The following ANKAR variants were observed in gnomAD, a reference collection of about 807,000 sequenced individuals.
ANKAR encodes the protein ankyrin and armadillo repeat-containing protein.
ANKAR carries 136 observed loss-of-function variants against 146.2 expected under a neutral mutation model. The observed-to-expected ratio is 0.93, with a 90% CI of 0.81 to 1.07. The LOEUF is 1.07. ANKAR is among the 50% of genes least tolerant of loss of function. ANKAR has a pLI of 0.00. For missense variants in ANKAR, 1,567 were observed against 1,679.9 expected, an observed-to-expected ratio of 0.93 and a Z score of 1.18; for synonymous variants, 500 against 575.8, an observed-to-expected ratio of 0.87 and a Z score of 1.88.
chr2:189,679,789 A>C (rs1256910776), intron 2 of ANKAR, among the ~76,000 whole-genome samples: 1 of 152,120 alleles, frequency 6.6e-6, no homozygotes, highest in Non-Finnish European at 1.5e-5. Flanking sequence ...CCATCCCTTC[A>C]TCCCTGGCAC....
chr2:189,688,590 G>A (rs889503119), intron 2 of ANKAR, among the ~76,000 whole-genome samples: 4 of 152,158 alleles, frequency 2.6e-5, no homozygotes, highest in East Asian at 1.9e-4. Context: ...CAGGCATTTC[G>A]AGGAAGAGAG....
In ANKAR at chr2:189,724,930, GAA is replaced by G. The variant is rs1220121060; in HGVS notation, c.2636-2921_2636-2920del. On this transcript the variant is annotated intron_variant, in intron 12 of 22. Transcript: ENST00000684021. ...TGTATAACTAGATTTAAAAAGAAAA[GAA>G]AAAATGAATACAAATAATTTTAAAC... Among the ~76,000 whole-genome samples, 8 of 152,116 alleles carry G rather than the reference GAA, an allele frequency of 5.3e-5. No individual in the cohort carries two copies. In the East Asian group the frequency reaches 1.4e-3, roughly 26 times the overall value.
chr2:189,742,003 T>G (rs1187846658), intron 20 of ANKAR, among the ~76,000 whole-genome samples: 1 of 152,190 alleles, frequency 6.6e-6, no homozygotes, highest in East Asian at 1.9e-4. Context: ...TAGGATAGCT[T>G]TCCTTATGTG....
At chr2:189,681,469 G>A (rs1216367889) in intron 2 of ANKAR, among the ~76,000 whole-genome samples, 1 of 152,186 alleles carries the variant, frequency 6.6e-6, no homozygotes, top group African/African-American at 2.4e-5. Flanking sequence ...CCTTGCAATG[G>A]TGCACCTGGT....
chr2:189,704,434 T>C (rs2038547829), intron 7 of ANKAR, among the ~76,000 whole-genome samples: 1 of 150,728 alleles, frequency 6.6e-6, no homozygotes, highest in Non-Finnish European at 1.5e-5. Flanking sequence ...CATGAGCCAC[T>C]GCGCCCAGCC....
Position 189,706,974 on chromosome 2 carries a change from A to G in ANKAR, c.1947A>G (p.Ser649=), listed in dbSNP as rs780314972. ...QCTPLLLAAT[S]GALDTIQYLF... Reference sequence around the variant, plus strand: ...CTCCACTGTTACTTGCTGCCACTTCAGGAGCACTGGACACTATTCAATACC... The same window carrying G: ...CTCCACTGTTACTTGCTGCCACTTCGGGAGCACTGGACACTATTCAATACC... Residue 649 remains serine (S), a synonymous_variant, in exon 9 of 23, where the codon TCA becomes TCG. Transcript: ENST00000684021. 3.7e-6 allele frequency: 6 copies of G among 1,613,226 alleles called. No homozygotes were observed. The highest frequency in any genetic ancestry group is 5.1e-6 in the Non-Finnish European group (6 of 1,179,686).
At chr2:189,700,694 C>T (rs1377783644) in intron 7 of ANKAR, among the ~76,000 whole-genome samples, 1 of 152,204 alleles carries the variant, frequency 6.6e-6, no homozygotes, top group Non-Finnish European at 1.5e-5. Context: ...CTACCCTTCC[C>T]AGCCTCTGGT....
Position 189,730,446 on chromosome 2 carries a change from A to G in ANKAR, c.3194-49A>G, listed in dbSNP as rs779928308. The G allele has an allele frequency of 1.8e-5, 22 of 1,213,018 alleles. No homozygotes were observed. The South Asian group carries it at 2.9e-4, about 16-fold the overall frequency. 75.1% of individuals were successfully genotyped at this position (1,213,018 alleles called of 1,614,324 possible). A position where few individuals can be genotyped will look rare whatever the true frequency, so the allele number is the denominator to read the frequency against. On this transcript the variant is annotated intron_variant, in intron 15 of 22. Transcript: ENST00000684021. ...ATATCAAGCTATGTTTGACTTTACC[A>G]TTTGTAAGATGGAAAAAAATATTAC... is the stretch of plus-strand genomic sequence containing the variant.
In ANKAR at chr2:189,728,801, C is replaced by T. The variant is rs773476044; in HGVS notation, c.3173C>T (p.Ala1058Val). ...AEGTLLSVIRAVGSICIGVAH... is the reference protein window; with the variant it reads ...AEGTLLSVIRVVGSICIGVAH... ...GGCACACTTCTCAGTGTCATCAGAG[C>T]AGTGGGATCCATTTGTATTGGTTTG... Residue 1058 changes from alanine to valine, a missense_variant, in exon 15 of 23, where the codon GCA becomes GTA. Ala to Val is a moderately conservative substitution (Grantham distance 64). Transcript: ENST00000684021. 5.6e-6 allele frequency: 9 copies of T among 1,613,538 alleles called. No homozygotes were observed. The highest frequency in any genetic ancestry group is 7.6e-6 in the Non-Finnish European group (9 of 1,179,728).
chr2:189,693,259 AG>A (rs1330023548), intron 5 of ANKAR, 82 bp downstream of exon 5: 5 of 868,480 alleles, frequency 5.8e-6, no homozygotes, highest in Non-Finnish European at 9.2e-6. Context: ...CAAAATGCAA[AG>A]GTTAATGTAA....
intron 10 of ANKAR, among the ~76,000 whole-genome samples, chr2:189,716,359 A>C (rs961234186): frequency 3.9e-5 from 6 of 152,210 alleles, no homozygotes; most frequent in African/African-American, 1.4e-4. Flanking sequence ...AGAGAGTAAA[A>C]TACCTAGGAA....
chr2:189,737,809 G>A lies in ANKAR; in HGVS notation c.3550G>A (p.Val1184Ile). ...SIFERFLEST[V>I]ETEKAMAAFQ... The stretch of plus-strand genomic sequence containing the variant: ...TTTTGAACGTTTTCTTGAATCAACA[G>A]TTGAAACTGAGAAGGCAATGGCAGC... The change falls in exon 18 of 23, where the codon GTT becomes ATT. Residue 1184 changes from valine to isoleucine, a missense_variant. By Grantham distance (29) the Val-to-Ile change is conservative. Transcript: ENST00000684021. 1 of 1,573,560 alleles carries A rather than the reference G, an allele frequency of 6.4e-7. No individual in the cohort carries two copies. Among genetic ancestry groups the A allele is most frequent in the African/African-American group, 1.4e-5 (1 of 72,594 alleles).
At chr2:189,716,282 T>C (rs2040450338) in intron 10 of ANKAR, among the ~76,000 whole-genome samples, 2 of 152,124 alleles carry the variant, frequency 1.3e-5, no homozygotes, top group South Asian at 4.2e-4. Context: ...ACAAGCATTC[T>C]TATACACCAA....
At chr2:189,755,449 T>C in intron 18 of ANKAR, 1 of 1,606,200 alleles carries the variant, frequency 6.2e-7, no homozygotes, top group Non-Finnish European at 8.5e-7. Context: ...TAGTTGCAAT[T>C]GCTGAGAGGT....
rs894073661 is a variant in ANKAR at position 189,676,751 on chromosome 2, T to C, written c.261T>C (p.Thr87=). The change falls in exon 2 of 23, where the codon ACT becomes ACC. Residue 87 remains threonine, a synonymous_variant. Transcript: ENST00000684021. ...GCTTCTCCACTGCAATCCTACTGAC[T>C]CCCGTGGACCCTACTGCCCTCTTAG... is the stretch of plus-strand genomic sequence containing the variant. The part of the protein sequence containing the change: ...NVGFSTAILL[T]PVDPTALLDY... 16 of 1,614,060 alleles carry C rather than the reference T, an allele frequency of 9.9e-6. No homozygotes were observed. Among genetic ancestry groups the C allele is most frequent in the Middle Eastern group, 1.6e-4 (1 of 6,084 alleles).
Position 189,674,781 on chromosome 2 carries a change from C to G in ANKAR, c.-85C>G, listed in dbSNP as rs1329570849. The G allele has an allele frequency of 1.3e-5, 2 of 152,322 alleles. No homozygotes were observed. The highest frequency in any genetic ancestry group is 2.9e-5 in the Non-Finnish European group (2 of 68,108). 9.4% of individuals were successfully genotyped at this position (152,322 alleles called of 1,614,324 possible). A position where few individuals can be genotyped will look rare whatever the true frequency, so the allele number is the denominator to read the frequency against. ...ACGACTGTTCTCAGCCCCACGGGAA[C>G]GCCGCGGACGCAGCGTCCCTCTCCC... On this transcript the variant is annotated 5_prime_UTR_variant, in exon 1 of 23. Coordinates refer to ENST00000684021, the MANE Select transcript of ANKAR (RefSeq NM_001378068.1).
chr2:189,727,803 ATATTCT>A, intron 12 of ANKAR, 47 bp from the exon 13 acceptor site: 1 of 1,579,842 alleles, frequency 6.3e-7, no homozygotes, highest in East Asian at 2.3e-5. Context: ...CTGCACTTTG[ATATTCT>A]TATTTTTCAT....
intron 2 of ANKAR, among the ~76,000 whole-genome samples, chr2:189,688,225 T>C (rs547668636): frequency 6.6e-6 from 1 of 152,314 alleles, no homozygotes; most frequent in East Asian, 1.9e-4. Flanking sequence ...GACTGTTCTT[T>C]CCCCAGCATA....
At chr2:189,706,784 A>T (rs2039008440) in intron 8 of ANKAR, among the ~76,000 whole-genome samples, 154 bp from the exon 9 acceptor site, 1 of 152,230 alleles carries the variant, frequency 6.6e-6, no homozygotes, top group Admixed American at 6.5e-5. Flanking sequence ...AAGGAGGCAA[A>T]TCCATTTACA....
Sources: allele counts gnomAD v4.1 joint callset (sites outside exome capture counted in the v4.1 genomes callset), GRCh38; gene constraint gnomAD v4.1.1; transcripts MANE v1.5; gene names NCBI Gene and HGNC (gene_info 2026-07-23, HGNC 2026-07-21).